The following ANKS1B variants were observed in gnomAD, a reference collection of about 807,000 sequenced individuals.
ANKS1B encodes the protein ankyrin repeat and sterile alpha motif domain containing 1B, also known as ankyrin repeat and sterile alpha motif domain-containing protein 1B.
In ANKS1B, 36 loss-of-function variants were observed where a neutral mutation model predicts 148.3. The observed-to-expected ratio is 0.24, with a 90% CI of 0.19 to 0.32. ANKS1B has a LOEUF of 0.32. Among genes scored for constraint, ANKS1B ranks in the 10% least tolerant of loss-of-function variants. The pLI is 1.00. For synonymous variants in ANKS1B, 542 were observed against 560.8 expected (o/e 0.97, Z 0.47); for missense variants, 1,157 against 1,542.6 (o/e 0.75, Z 4.19).
intron 1 of ANKS1B, among the ~76,000 whole-genome samples, chr12:99,927,325 A>C (rs1418906127): frequency 6.6e-6 from 1 of 152,242 alleles, no homozygotes; most frequent in Non-Finnish European, 1.5e-5. Context: ...AAGACACAGT[A>C]AATTCCTACT....
chr12:99,645,042 G>C (rs933880367), intron 9 of ANKS1B, among the ~76,000 whole-genome samples: 5 of 152,122 alleles, frequency 3.3e-5, no homozygotes, highest in African/African-American at 9.7e-5. Flanking sequence ...AATCACATCT[G>C]CAAAGTTCCT....
At chr12:99,276,152 G>A (rs937028221) in intron 12 of ANKS1B, among the ~76,000 whole-genome samples, 2 of 152,144 alleles carry the variant, frequency 1.3e-5, no homozygotes, top group Non-Finnish European at 2.9e-5. Flanking sequence ...AGCAGACAAA[G>A]GATGAGGTTT....
intron 12 of ANKS1B, among the ~76,000 whole-genome samples, chr12:99,310,106 G>C (rs865846137): frequency 1.3e-5 from 2 of 152,114 alleles, no homozygotes; most frequent in Admixed American, 6.6e-5. Flanking sequence ...AGAGAGTTTG[G>C]AGATTAGTTG....
chr12:99,642,739 C>A (rs2098323000), intron 9 of ANKS1B, among the ~76,000 whole-genome samples: 1 of 152,162 alleles, frequency 6.6e-6, no homozygotes, highest in Non-Finnish European at 1.5e-5. Flanking sequence ...ACTGCTTGAA[C>A]CCAGGAGGCA....
intron 19 of ANKS1B, among the ~76,000 whole-genome samples, chr12:98,820,571 G>A (rs931710405): frequency 1.3e-5 from 2 of 152,066 alleles, no homozygotes; most frequent in African/African-American, 4.8e-5. Context: ...AAATGACTAC[G>A]GAAGAGTGAG....
At chr12:99,189,057 T>C (rs2080279800) in intron 14 of ANKS1B, among the ~76,000 whole-genome samples, 1 of 152,128 alleles carries the variant, frequency 6.6e-6, no homozygotes, top group South Asian at 2.1e-4. Context: ...GAGCATACTA[T>C]AAACACCTCT....
At chr12:99,272,747 T>C (rs2077186994) in intron 12 of ANKS1B, among the ~76,000 whole-genome samples, 1 of 152,204 alleles carries the variant, frequency 6.6e-6, no homozygotes, top group Admixed American at 6.5e-5. Context: ...TTTTTAAGGA[T>C]AAAACCTATA....
intron 14 of ANKS1B, among the ~76,000 whole-genome samples, chr12:99,175,920 G>A (rs2078330245): frequency 6.6e-6 from 1 of 152,050 alleles, no homozygotes; most frequent in African/African-American, 2.4e-5. Flanking sequence ...GATCTCCATT[G>A]ACTGAAACTT....
Position 99,228,651 on chromosome 12 carries a change from C to T in ANKS1B, c.2419+15691G>A, listed in dbSNP as rs536455789. Among the ~76,000 whole-genome samples, 10 of 151,946 alleles carry T rather than the reference C, an allele frequency of 6.6e-5. No homozygotes were observed. The East Asian group carries it at 9.7e-4, about 15-fold the overall frequency. ...CATAAAAATTGAATGTGCACATAGA[C>T]GAAGACTAGAAAGTCACTAGGATAT... On this transcript the variant is annotated intron_variant, in intron 14 of 26. Transcript: ENST00000683438.
At chr12:99,207,524 G>GAAA (rs2082829759) in intron 14 of ANKS1B, among the ~76,000 whole-genome samples, 1 of 151,952 alleles carries the variant, frequency 6.6e-6, no homozygotes, top group Non-Finnish European at 1.5e-5. Flanking sequence ...TAGTAAACAT[G>GAAA]AAAAAATTGT....
At chr12:99,494,722 C>T (rs1266545452) in intron 10 of ANKS1B, among the ~76,000 whole-genome samples, 4 of 103,746 alleles carry the variant, frequency 3.9e-5, no homozygotes, top group Non-Finnish European at 7.1e-5. Context: ...GACAGAGGGA[C>T]ACTCTGTCTC....
chr12:99,718,034 G>A (rs1415490521), intron 8 of ANKS1B, among the ~76,000 whole-genome samples: 1 of 150,610 alleles, frequency 6.6e-6, no homozygotes, highest in Non-Finnish European at 1.5e-5. Context: ...CTCCCGAGTA[G>A]CTGGGACTAC....
At chr12:99,707,893 T>G (rs990730303) in intron 8 of ANKS1B, among the ~76,000 whole-genome samples, 1 of 152,110 alleles carries the variant, frequency 6.6e-6, no homozygotes, top group South Asian at 2.1e-4. Context: ...AGAAATCAGG[T>G]GTATGTGTGG....
intron 17 of ANKS1B, among the ~76,000 whole-genome samples, chr12:98,851,531 G>GA (rs2099526030): frequency 6.6e-6 from 1 of 152,102 alleles, no homozygotes; most frequent in Admixed American, 6.5e-5. Flanking sequence ...TGCTAAGGGG[G>GA]AACCATATGT....
At chr12:98,926,857 A>G (rs1326706281) in intron 17 of ANKS1B, among the ~76,000 whole-genome samples, 1 of 152,130 alleles carries the variant, frequency 6.6e-6, no homozygotes, top group Admixed American at 6.6e-5. Context: ...GAAGAAAAAC[A>G]GTATCAAAGA....
chr12:99,499,837 T>C (rs893176734), intron 10 of ANKS1B, among the ~76,000 whole-genome samples: 1 of 152,102 alleles, frequency 6.6e-6, no homozygotes. Flanking sequence ...TGGTTTGTTA[T>C]GCAGTGACAA....
intron 15 of ANKS1B, among the ~76,000 whole-genome samples, chr12:99,149,301 C>T (rs765473746): frequency 1.6e-4 from 25 of 152,058 alleles, no homozygotes; most frequent in Admixed American, 2.6e-4. Flanking sequence ...TAATGAAATA[C>T]GTATGAGCTC....
At chr12:98,971,136 C>T (rs1208034097) in intron 17 of ANKS1B, among the ~76,000 whole-genome samples, 2 of 152,188 alleles carry the variant, frequency 1.3e-5, no homozygotes, top group Admixed American at 6.5e-5. Flanking sequence ...GTTTTAAACT[C>T]TTTCTTATCT....
intron 12 of ANKS1B, among the ~76,000 whole-genome samples, chr12:99,315,636 G>A (rs2154028234): frequency 6.6e-6 from 1 of 152,004 alleles, no homozygotes; most frequent in African/African-American, 2.4e-5. Flanking sequence ...GTGATTTTTT[G>A]TATATTCAGA....
Sources: allele counts gnomAD v4.1 joint callset (sites outside exome capture counted in the v4.1 genomes callset), GRCh38; gene constraint gnomAD v4.1.1; transcripts MANE v1.5; gene names NCBI Gene and HGNC (gene_info 2026-07-23, HGNC 2026-07-21).